The following TDRD3 variants were observed in gnomAD, a reference collection of about 807,000 sequenced individuals.
TDRD3 encodes tudor domain-containing protein 3.
A neutral mutation model predicts 86.7 loss-of-function variants in TDRD3; 45 were observed. That is an observed-to-expected ratio of 0.52 (90% CI 0.41 to 0.67). The LOEUF is 0.67. Among genes scored for constraint, TDRD3 ranks in the 30% least tolerant of loss-of-function variants. The pLI, the probability that TDRD3 is intolerant of heterozygous loss-of-function variation, is 0.00. For missense variants in TDRD3, 814 were observed against 889.0 expected, an observed-to-expected ratio of 0.92 and a Z score of 1.07; for synonymous variants, 298 against 301.7, an observed-to-expected ratio of 0.99 and a Z score of 0.13.
At chr13:60,421,422 G>A (rs1416390842) in intron 1 of TDRD3, among the ~76,000 whole-genome samples, 1 of 152,146 alleles carries the variant, frequency 6.6e-6, no homozygotes, top group Non-Finnish European at 1.5e-5. Flanking sequence ...TTCCCACTGG[G>A]TCCCTCCTGT....
chr13:60,475,590 T>C (rs1179445607), intron 5 of TDRD3, among the ~76,000 whole-genome samples: 7 of 152,240 alleles, frequency 4.6e-5, no homozygotes, highest in African/African-American at 1.7e-4. Context: ...GTAATAGTAG[T>C]TGAACTCTTA....
In TDRD3 at chr13:60,470,703, C is replaced by T. The variant is rs1594976619; in HGVS notation, c.495+3324C>T. Among the ~76,000 whole-genome samples, 9 of 151,294 alleles carry T rather than the reference C, an allele frequency of 5.9e-5. No individual in the cohort carries two copies. In the East Asian group the frequency reaches 1.8e-3, roughly 29 times the overall value. On this transcript the variant is annotated intron_variant, in intron 5 of 13. Transcript: ENST00000377881. ...GGTTCAAGCGATCTCCTGTCTCAGCCTCCCGAGTAGCTGGGATTACAGGTG... is the reference window on the plus strand; with the variant it reads ...GGTTCAAGCGATCTCCTGTCTCAGCTTCCCGAGTAGCTGGGATTACAGGTG...
chr13:60,460,535 A>G lies in TDRD3; in HGVS notation c.348A>G (p.Lys116=), dbSNP rs1331065617. The G allele has an allele frequency of 1.3e-6, 2 of 1,542,450 alleles. No homozygotes were observed. The highest frequency in any genetic ancestry group is 1.7e-6 in the Non-Finnish European group (2 of 1,155,104). ...CTAVEFSYMS[K]ISLNTPPGTK... ...CAGTAGAATTTAGTTATATGTCAAA[A>G]ATAAGGTGATTGGCACTTTATTTTG... is the stretch of plus-strand genomic sequence containing the variant. The change falls in exon 4 of 14, where the codon AAA becomes AAG. Residue 116 remains lysine, a synonymous_variant. Coordinates refer to ENST00000377881, the MANE Select transcript of TDRD3 (RefSeq NM_001146070.2).
At chr13:60,510,800 T>TTA in intron 10 of TDRD3, 45 bp downstream of exon 10, 3 of 1,476,036 alleles carry the variant, frequency 2.0e-6, no homozygotes, top group Non-Finnish European at 2.7e-6. Context: ...TTTCTTTTCT[T>TTA]TCTTTTTTTT....
intron 8 of TDRD3, among the ~76,000 whole-genome samples, chr13:60,502,897 A>C (rs1034279145): frequency 2.6e-5 from 4 of 152,222 alleles, no homozygotes; most frequent in Non-Finnish European, 4.4e-5. Context: ...AGGAAAATGG[A>C]TTCTTATTGA....
intron 8 of TDRD3, among the ~76,000 whole-genome samples, chr13:60,505,961 G>C (rs1956928359): frequency 2.6e-5 from 4 of 152,178 alleles, no homozygotes; most frequent in African/African-American, 9.7e-5. Context: ...ACACACTTCA[G>C]GATATTGTCC....
chr13:60,475,082 T>G (rs1230926662), intron 5 of TDRD3, among the ~76,000 whole-genome samples: 1 of 152,136 alleles, frequency 6.6e-6, no homozygotes, highest in Non-Finnish European at 1.5e-5. Flanking sequence ...TTTCCTTTTT[T>G]TTTTCTTCCT....
In TDRD3 at chr13:60,483,894, T is replaced by G. The variant is rs376852261; in HGVS notation, c.567+48T>G. The G allele has an allele frequency of 7.5e-5, 118 of 1,567,382 alleles. No individual in the cohort carries two copies. The South Asian group carries it at 1.3e-3, about 17-fold the overall frequency. ...ATGAATTTAAATTAGGAAAAAGTGTTTTTCATTAGCATTCAAGCTGTGTTT... is the reference window on the plus strand; with the variant it reads ...ATGAATTTAAATTAGGAAAAAGTGTGTTTCATTAGCATTCAAGCTGTGTTT... On this transcript the variant is annotated intron_variant, in intron 6 of 13. Transcript: ENST00000377881.
At chr13:60,530,584 A>G (rs1172168448) in intron 11 of TDRD3, among the ~76,000 whole-genome samples, 2 of 151,536 alleles carry the variant, frequency 1.3e-5, no homozygotes, top group East Asian at 3.9e-4. Flanking sequence ...GGGACTACAG[A>G]AATGCGCTAC....
intron 4 of TDRD3, among the ~76,000 whole-genome samples, chr13:60,462,291 G>A (rs1191908812): frequency 6.6e-6 from 1 of 152,148 alleles, no homozygotes; most frequent in East Asian, 1.9e-4. Flanking sequence ...ATTTCTCTGA[G>A]GAATAAAAAC....
chr13:60,530,616 ATTT>A (rs746006256), intron 11 of TDRD3, among the ~76,000 whole-genome samples: 3 of 125,096 alleles, frequency 2.4e-5, no homozygotes, highest in Non-Finnish European at 5.2e-5. Flanking sequence ...AATTTTTTGT[ATTT>A]TTTTTTTTTT....
chr13:60,554,476 T>C, intron 12 of TDRD3, among the ~76,000 whole-genome samples: 1 of 152,202 alleles, frequency 6.6e-6, no homozygotes, highest in East Asian at 1.9e-4. Context: ...CCTTTCTCTT[T>C]GTCCGGAGGA....
chr13:60,528,319 T>TG (rs763576376), intron 10 of TDRD3, 48 bp from the exon 11 acceptor site: 11 of 1,516,790 alleles, frequency 7.3e-6, no homozygotes, highest in Middle Eastern at 1.8e-4. Flanking sequence ...TAATTATTAA[T>TG]GCAGAGTCTT....
chr13:60,514,924 C>T (rs1480535995), intron 10 of TDRD3, among the ~76,000 whole-genome samples: 1 of 152,152 alleles, frequency 6.6e-6, no homozygotes, highest in Non-Finnish European at 1.5e-5. Context: ...GGGAATTATT[C>T]ATTCAATAAA....
intron 7 of TDRD3, among the ~76,000 whole-genome samples, chr13:60,493,770 ATATTATT>A (rs1956655036): frequency 6.6e-6 from 1 of 152,250 alleles, no homozygotes; most frequent in South Asian, 2.1e-4. Context: ...TTCAAAACCA[ATATTATT>A]TATGTCCTAA....
chr13:60,460,928 G>C, intron 4 of TDRD3: 1 of 153,508 alleles, frequency 6.5e-6, no homozygotes, highest in East Asian at 1.9e-4. Context: ...GCTTGAACCT[G>C]GTAGGCGGAG....
At chr13:60,481,226 C>G (rs187504676) in intron 5 of TDRD3, among the ~76,000 whole-genome samples, 16 of 152,082 alleles carry the variant, frequency 1.1e-4, no homozygotes, top group African/African-American at 3.6e-4. Flanking sequence ...GGTTGGTGTG[C>G]GTTTTATCCT....
chr13:60,538,748 G>C (rs1326910612), intron 12 of TDRD3, among the ~76,000 whole-genome samples: 2 of 152,040 alleles, frequency 1.3e-5, no homozygotes, highest in Non-Finnish European at 2.9e-5. Context: ...CAGGAAACCA[G>C]TAAAAAGATG....
In TDRD3 at chr13:60,512,574, G is replaced by A. The variant is rs557312927; in HGVS notation, c.1141+1819G>A. On this transcript the variant is annotated intron_variant, in intron 10 of 13. Transcript: ENST00000377881. ...AGTTAGTTACTTCCTAGATACAATGGGGGTACAGGCATTAGGTAAATATAG... is the reference window on the plus strand; with the variant it reads ...AGTTAGTTACTTCCTAGATACAATGAGGGTACAGGCATTAGGTAAATATAG... 5.1e-4 allele frequency among the ~76,000 whole-genome samples: 77 copies of A among 152,266 alleles called. 1 individual carries two copies. The highest frequency in any genetic ancestry group is 1.8e-3 in the African/African-American group (74 of 41,558).
Sources: allele counts gnomAD v4.1 joint callset (sites outside exome capture counted in the v4.1 genomes callset), GRCh38; gene constraint gnomAD v4.1.1; transcripts MANE v1.5; gene names NCBI Gene and HGNC (gene_info 2026-07-23, HGNC 2026-07-21).